GALNT14: variants seen among roughly 807,000 people sequenced by gnomAD.
The protein encoded by GALNT14 is UDP-GalNAc:polypeptide N-acetylgalactosaminyltransferase 14.
In GALNT14, 60 loss-of-function variants were observed where a neutral mutation model predicts 77.5. The observed-to-expected ratio is 0.77, with a 90% CI of 0.63 to 0.96. The LOEUF (loss-of-function observed/expected upper bound fraction) is 0.96, where lower values mean the gene tolerates loss of function less well. Ranked by LOEUF, GALNT14 falls within the 40% of genes least tolerant of loss-of-function variation. The pLI is 0.00. For synonymous variants in GALNT14, 280 were observed against 281.7 expected (o/e 0.99, Z 0.06); for missense variants, 710 against 731.0 (o/e 0.97, Z 0.33).
At chr2:31,124,187 G>A (rs892632030) in intron 1 of GALNT14, among the ~76,000 whole-genome samples, 1 of 152,188 alleles carries the variant, frequency 6.6e-6, no homozygotes, top group South Asian at 2.1e-4. Flanking sequence ...CTCAAAGGGG[G>A]AAACCTCCAA....
At chr2:31,137,030 G>A (rs1319390921) in intron 1 of GALNT14, among the ~76,000 whole-genome samples, 1 of 152,178 alleles carries the variant, frequency 6.6e-6, no homozygotes, top group East Asian at 1.9e-4. Flanking sequence ...AGACTGCCTG[G>A]CTGGCCAGGA....
intron 1 of GALNT14, chr2:31,129,395 T>C (rs1678867134): frequency 2.0e-6 from 2 of 985,366 alleles, no homozygotes; most frequent in Admixed American, 1.2e-4. Flanking sequence ...TTTTCCTGAT[T>C]CACCCTTTAA....
At chr2:31,129,852 A>T (rs1207455330) in intron 1 of GALNT14, among the ~76,000 whole-genome samples, 1 of 152,244 alleles carries the variant, frequency 6.6e-6, no homozygotes, top group Non-Finnish European at 1.5e-5. Context: ...GAAAAGAGAC[A>T]GTTAACCTCT....
chr2:31,021,330 G>A (rs1335260831), intron 1 of GALNT14, among the ~76,000 whole-genome samples: 1 of 151,856 alleles, frequency 6.6e-6, no homozygotes, highest in Non-Finnish European at 1.5e-5. Context: ...TTGCGACAGA[G>A]TTTTGCTCTT....
chr2:31,000,989 G>T (rs1425969587), intron 1 of GALNT14, among the ~76,000 whole-genome samples: 1 of 152,140 alleles, frequency 6.6e-6, no homozygotes, highest in African/African-American at 2.4e-5. Context: ...GCACAGGGAG[G>T]ATAAATGATT....
chr2:31,030,128 AG>A (rs1348045727), intron 1 of GALNT14, among the ~76,000 whole-genome samples: 1 of 152,238 alleles, frequency 6.6e-6, no homozygotes, highest in African/African-American at 2.4e-5. Flanking sequence ...AAGCTCCAGT[AG>A]CCTGACCATT....
intron 8 of GALNT14, 56 bp downstream of exon 8, chr2:30,944,802 T>C: frequency 1.5e-6 from 2 of 1,364,034 alleles, no homozygotes; most frequent in Non-Finnish European, 2.0e-6. Context: ...TCCCTACACT[T>C]GACAGGATCC....
intron 1 of GALNT14, among the ~76,000 whole-genome samples, chr2:31,128,917 T>C (rs1302541015): frequency 6.6e-6 from 1 of 152,026 alleles, no homozygotes; most frequent in Non-Finnish European, 1.5e-5. Flanking sequence ...AGCTCTGTAT[T>C]TCCCTTAATC....
chr2:30,928,814 A>C (rs1026359232), intron 11 of GALNT14, among the ~76,000 whole-genome samples: 1 of 151,950 alleles, frequency 6.6e-6, no homozygotes, highest in Non-Finnish European at 1.5e-5. Context: ...TTGGGGTTTC[A>C]CCATATTGGC....
At chr2:30,986,473 T>C (rs1319653228) in intron 2 of GALNT14, among the ~76,000 whole-genome samples, 1 of 152,168 alleles carries the variant, frequency 6.6e-6, no homozygotes, top group Non-Finnish European at 1.5e-5. Flanking sequence ...AATCCAGCTG[T>C]TGTCACCAGA....
At chr2:30,950,653 CT>C (rs1334495108) in intron 6 of GALNT14, among the ~76,000 whole-genome samples, 3 of 152,236 alleles carry the variant, frequency 2.0e-5, no homozygotes, top group African/African-American at 4.8e-5. Context: ...CTCAAGGCCA[CT>C]GCAGACCTGG....
At chr2:31,012,904 A>G (rs1671122185) in intron 1 of GALNT14, among the ~76,000 whole-genome samples, 1 of 152,266 alleles carries the variant, frequency 6.6e-6, no homozygotes, top group African/African-American at 2.4e-5. Context: ...TGAATTTAAT[A>G]AAATAAGAGC....
At chr2:31,136,630 G>A (rs1033480502) in intron 1 of GALNT14, among the ~76,000 whole-genome samples, 5 of 152,094 alleles carry the variant, frequency 3.3e-5, no homozygotes, top group Non-Finnish European at 5.9e-5. Context: ...TGTTGAAATC[G>A]ACAAAGCATT....
chr2:30,898,812 T>C, the GALNT14 span, among the ~76,000 whole-genome samples: 3 of 151,882 alleles, frequency 2.0e-5, no homozygotes, highest in Non-Finnish European at 4.4e-5. Flanking sequence ...GGAAGGGGAA[T>C]CGAGAGGCAA....
At chr2:30,913,937 A>G (rs934161688) in intron 13 of GALNT14, among the ~76,000 whole-genome samples, 2 of 152,206 alleles carry the variant, frequency 1.3e-5, no homozygotes, top group African/African-American at 2.4e-5. Context: ...TCCTTGGGAC[A>G]TATCAAGAAG....
At chr2:31,123,114 G>A (rs969088040) in intron 1 of GALNT14, among the ~76,000 whole-genome samples, 5 of 148,714 alleles carry the variant, frequency 3.4e-5, no homozygotes, top group Admixed American at 6.8e-5. Context: ...CTCAGGAGGC[G>A]GAGCTTGCAG....
At chr2:31,118,244 T>C (rs13032050) in intron 1 of GALNT14, among the ~76,000 whole-genome samples, 43,788 of 152,110 alleles carry the variant, frequency 0.29, 7,290 homozygotes, top group Admixed American at 0.37. Flanking sequence ...TTTAAACTAT[T>C]CTCATCTGCT....
intron 1 of GALNT14, among the ~76,000 whole-genome samples, chr2:31,006,581 C>T (rs1003590736): frequency 1.3e-5 from 2 of 152,198 alleles, no homozygotes; most frequent in Non-Finnish European, 2.9e-5. Context: ...TGCAAAGTCC[C>T]TGCCATGATA....
intron 9 of GALNT14, among the ~76,000 whole-genome samples, chr2:30,939,841 C>T (rs1001031457): frequency 2.0e-5 from 3 of 152,022 alleles, no homozygotes. Context: ...GAGCATCACT[C>T]GTACACCCCA....
Sources: gnomAD v4.1 joint callset for allele counts (sites outside exome capture counted in the v4.1 genomes callset) on GRCh38, gnomAD v4.1.1 for gene constraint, MANE v1.5 for transcripts, NCBI Gene and HGNC (gene_info 2026-07-23, HGNC 2026-07-21) for gene names.